TLCD3B: variants seen among roughly 807,000 people sequenced by gnomAD.
TLCD3B encodes ceramide synthase.
TLCD3B carries 9 observed loss-of-function variants against 23.0 expected under a neutral mutation model. The ratio of observed to expected loss-of-function variants is 0.39; its 90% CI spans 0.24 to 0.68. TLCD3B has a LOEUF of 0.68. Ranked by LOEUF, TLCD3B falls within the 30% of genes least tolerant of loss-of-function variation. TLCD3B has a pLI of 0.44. For missense variants in TLCD3B, 307 were observed against 371.8 expected (o/e 0.83, Z 1.43); for synonymous variants, 161 against 161.0 (o/e 1.00, Z 0.00).
chr16:30,050,623 C>G (rs1479056666), intron 1 of TLCD3B, among the ~76,000 whole-genome samples: 1 of 152,190 alleles, frequency 6.6e-6, no homozygotes, highest in African/African-American at 2.4e-5. Context: ...GTGACATTAG[C>G]AACAGCTAGA....
chr16:30,040,143 A>AT lies in TLCD3B; in HGVS notation c.-67+851_-67+852insA, dbSNP rs1352468328. Among the ~76,000 whole-genome samples, 31 of 103,592 alleles carry AT rather than the reference A, an allele frequency of 3.0e-4. 1 individual carries two copies. The highest frequency in any genetic ancestry group is 4.9e-3 in the Middle Eastern group (1 of 204). The allele number at this position is 103,592 out of a possible 152,430, so 68.0% of individuals were successfully genotyped here. ...AGCAAGACTTTGTCTCAAAAAAAAA[A>AT]AAAAATATATATATATATATATATA... On this transcript the variant is annotated intron_variant, in intron 3 of 6. Coordinates refer to the TLCD3B transcript ENST00000561666.
intron 3 of TLCD3B, among the ~76,000 whole-genome samples, chr16:30,037,016 C>T (rs1399085346): frequency 6.6e-6 from 1 of 151,422 alleles, no homozygotes; most frequent in Non-Finnish European, 1.5e-5. Flanking sequence ...ACCCGGGAGG[C>T]AGAGGTTGCA....
chr16:30,049,389 C>A (rs1195562412), intron 1 of TLCD3B, among the ~76,000 whole-genome samples: 1 of 152,158 alleles, frequency 6.6e-6, no homozygotes, highest in Admixed American at 6.6e-5. Context: ...TCCCTTCCCA[C>A]GTCCAAGCCT....
At chr16:30,036,360 A>G in intron 3 of TLCD3B, 1 of 1,287,986 alleles carries the variant, frequency 7.8e-7, no homozygotes, top group South Asian at 1.2e-5. Flanking sequence ...GAAACTACAT[A>G]TATTTACATA....
chr16:30,025,373 T>A lies in TLCD3B; in HGVS notation c.635A>T (p.Tyr212Phe). 1 of 1,607,268 alleles carries A rather than the reference T, an allele frequency of 6.2e-7. No homozygotes were observed. The highest frequency in any genetic ancestry group is 8.5e-7 in the Non-Finnish European group (1 of 1,177,044). Reference protein sequence around the residue: ...CCRVLLFPYLYWAYGRHAGLP... With the variant: ...CCRVLLFPYLFWAYGRHAGLP... The stretch of plus-strand genomic sequence containing the variant: ...GCCGGCATGGCGCCCGTAGGCCCAG[T>A]ACAGGTAGGGAAAGAGCAGCACCCG... Residue 212 changes from tyrosine to phenylalanine, a missense_variant, in exon 5 of 5, where the codon TAC (tyrosine) becomes TTC (phenylalanine). By Grantham distance (22) the Tyr-to-Phe change is conservative. Transcript: ENST00000380495. This position sits in a 1 kb window ranked among gnomAD's most constrained non-coding sequence, Gnocchi z 4.1.
chr16:30,025,473 G>GAGACAC lies in TLCD3B; in HGVS notation c.541-12_541-7dup, dbSNP rs1174977127. 4 of 1,611,468 alleles carry GAGACAC rather than the reference G, an allele frequency of 2.5e-6. No individual in the cohort carries two copies. Among genetic ancestry groups the GAGACAC allele is most frequent in the East Asian group, 2.2e-5 (1 of 44,824 alleles). ...AGTGTGTGCTGCTGCTTGTACTGAG[G>GAGACAC]AGACACAGACACAGTGGCCACGGCA... On this transcript the variant is annotated splice_polypyrimidine_tract_variant and splice_region_variant and intron_variant, in intron 4 of 4. Coordinates refer to ENST00000380495, the MANE Select transcript of TLCD3B (RefSeq NM_031478.6). This position sits in a 1 kb window ranked among gnomAD's most constrained non-coding sequence, Gnocchi z 4.1.
At position 30,025,793 on chromosome 16, in the gene TLCD3B, A is replaced by G; in HGVS notation, c.473T>C (p.Phe158Ser). 1 of 1,614,050 alleles carries G rather than the reference A, an allele frequency of 6.2e-7. No homozygotes were observed. Among genetic ancestry groups the G allele is most frequent in the Non-Finnish European group, 8.5e-7 (1 of 1,180,016 alleles). ...CTCTGCCATCAACATGCAACCCAGA[A>G]AGAAGTCTCCCTTACCCTGTCGCCA... The part of the protein sequence containing the change: ...VVWRQGKGDF[F>S]LGCMLMAEVS... The change falls in exon 4 of 5, where the codon TTT (phenylalanine) becomes TCT (serine). Residue 158 changes from phenylalanine (F) to serine (S), a missense_variant. Physicochemically the swap from Phe to Ser is radical, Grantham distance 155. Transcript: ENST00000380495. The surrounding 1 kb of genome is among the most constrained non-coding windows in gnomAD (Gnocchi z 4.1).
At chr16:30,042,903 C>T (rs1306843690) in intron 2 of TLCD3B, among the ~76,000 whole-genome samples, 1 of 151,950 alleles carries the variant, frequency 6.6e-6, no homozygotes, top group Non-Finnish European at 1.5e-5. Context: ...TTGAGACCAG[C>T]CTGACCAACA....
At chr16:30,051,554 A>T (rs1301291838) in intron 1 of TLCD3B, among the ~76,000 whole-genome samples, 1 of 144,996 alleles carries the variant, frequency 6.9e-6, no homozygotes, top group East Asian at 1.9e-4. Flanking sequence ...AGAAAAGAAA[A>T]AAGAAAGAAA....
intron 3 of TLCD3B, among the ~76,000 whole-genome samples, chr16:30,040,678 CAG>C (rs1294847703): frequency 6.6e-6 from 1 of 151,854 alleles, no homozygotes; most frequent in Non-Finnish European, 1.5e-5. Flanking sequence ...AAATTTGAGA[CAG>C]AGTCTCACTC....
At chr16:30,032,224 T>C (rs2071378127), upstream of TLCD3B, among the ~76,000 whole-genome samples, 1 of 152,230 alleles carries the variant, frequency 6.6e-6, no homozygotes, top group Non-Finnish European at 1.5e-5. Context: ...CTGCCCCCTT[T>C]GACTTCTGGC....
In TLCD3B at chr16:30,030,677, G is replaced by A; in HGVS notation, c.-150C>T. On this transcript the variant is annotated 5_prime_UTR_variant, in exon 1 of 5. Coordinates refer to ENST00000380495, the MANE Select transcript of TLCD3B (RefSeq NM_031478.6). ...GCACAAAGGGGCCAGGGCGGGGACGGGATGGGGCCAGGGAGTCCGATGAAA... is the reference window on the plus strand; with the variant it reads ...GCACAAAGGGGCCAGGGCGGGGACGAGATGGGGCCAGGGAGTCCGATGAAA... 7.8e-7 allele frequency: 1 copy of A among 1,282,976 alleles called. No homozygotes were observed. The highest frequency in any genetic ancestry group is 1.9e-5 in the South Asian group (1 of 52,736). 79.5% of individuals were successfully genotyped at this position (1,282,976 alleles called of 1,614,324 possible).
At chr16:30,050,664 G>A (rs1173325094) in intron 1 of TLCD3B, among the ~76,000 whole-genome samples, 2 of 152,226 alleles carry the variant, frequency 1.3e-5, no homozygotes, top group Non-Finnish European at 2.9e-5. Context: ...AACGCCCTCT[G>A]AGAGGGCCAG....
In TLCD3B at chr16:30,025,201, G is replaced by A. The variant is rs2071055557; in HGVS notation, c.807C>T (p.Ala269=). The A allele has an allele frequency of 2.0e-6, 3 of 1,482,972 alleles. No individual in the cohort carries two copies. Among genetic ancestry groups the A allele is most frequent in the Non-Finnish European group, 2.7e-6 (3 of 1,121,846 alleles). 91.9% of individuals were successfully genotyped at this position (1,482,972 alleles called of 1,614,324 possible). A position where few individuals can be genotyped will look rare whatever the true frequency, so the allele number is the denominator to read the frequency against. The change falls in exon 5 of 5, where the codon GCC becomes GCT. Residue 269 remains alanine (A), a synonymous_variant. Coordinates refer to ENST00000380495, the MANE Select transcript of TLCD3B (RefSeq NM_031478.6). The surrounding 1 kb of genome is among the most constrained non-coding windows in gnomAD (Gnocchi z 4.1). ...LFWPRSRPPP[A]CQAQD ...CCCGGCCTCAGTCCTGGGCCTGGCA[G>A]GCCGGGGGCGGCCGGGAGCGGGGCC...
chr16:30,033,446 G>A (rs938580350), upstream of TLCD3B: 1 of 152,080 alleles, frequency 6.6e-6, no homozygotes, highest in Admixed American at 6.6e-5. Context: ...TTGTCTGCCA[G>A]GGAATCCACG....
intron 1 of TLCD3B, among the ~76,000 whole-genome samples, chr16:30,049,545 C>G (rs2071719578): frequency 6.6e-6 from 1 of 152,208 alleles, no homozygotes; most frequent in African/African-American, 2.4e-5. Context: ...CAGCTTCCAA[C>G]TTCGGGAGAG....
chr16:30,024,457 G>T lies in TLCD3B; in HGVS notation c.*726C>A. Reference sequence around the variant, plus strand: ...TTCACGCAGATCGTCTTTTATTAGCGGTCTGTAAAGCACCTCCCAGGGTCC... The same window carrying T: ...TTCACGCAGATCGTCTTTTATTAGCTGTCTGTAAAGCACCTCCCAGGGTCC... On this transcript the variant is annotated 3_prime_UTR_variant, in exon 5 of 5. Coordinates refer to ENST00000380495, the MANE Select transcript of TLCD3B (RefSeq NM_031478.6). 1.6e-6 allele frequency: 1 copy of T among 624,234 alleles called. No individual in the cohort carries two copies. The highest frequency in any genetic ancestry group is 2.8e-5 in the East Asian group (1 of 35,950). 38.7% of individuals were successfully genotyped at this position (624,234 alleles called of 1,614,324 possible). A position where few individuals can be genotyped will look rare whatever the true frequency, so the allele number is the denominator to read the frequency against.
intron 2 of TLCD3B, among the ~76,000 whole-genome samples, chr16:30,045,967 G>T (rs552678365): frequency 6.6e-6 from 1 of 151,998 alleles, no homozygotes; most frequent in Non-Finnish European, 1.5e-5. Flanking sequence ...AAAATTAGCT[G>T]GGCGTGGTGC....
At chr16:30,051,521 C>CAAA (rs199594296) in intron 1 of TLCD3B, among the ~76,000 whole-genome samples, 6 of 62,846 alleles carry the variant, frequency 9.5e-5, no homozygotes, top group African/African-American at 2.9e-4. Flanking sequence ...AACTCCGTTT[C>CAAA]AAAAAAAAAA....
Sources: gnomAD v4.1 joint callset for allele counts (sites outside exome capture counted in the v4.1 genomes callset) on GRCh38, gnomAD v4.1.1 for gene constraint, Gnocchi (gnomAD v3.1) non-coding constraint, MANE v1.5 for transcripts, NCBI Gene and HGNC (gene_info 2026-07-23, HGNC 2026-07-21) for gene names.